The following PAM variants were observed in gnomAD, a reference collection of about 807,000 sequenced individuals.
PAM encodes the protein peptidyl-glycine alpha-amidating monooxygenase.
A neutral mutation model predicts 122.1 loss-of-function variants in PAM; 72 were observed. That is an observed-to-expected ratio of 0.59 (90% CI 0.49 to 0.72). PAM has a LOEUF of 0.72. Among genes scored for constraint, PAM ranks in the 30% least tolerant of loss-of-function variants. The probability of loss-of-function intolerance (pLI) is 0.00; values close to 1 mark genes in which losing one functional copy is unlikely to be tolerated. For missense variants in PAM, 1,106 were observed against 1,183.7 expected (o/e 0.93, Z 0.96); for synonymous variants, 389 against 404.4 (o/e 0.96, Z 0.46).
chr5:102,757,937 G>C (rs1750957032), intron 1 of PAM, among the ~76,000 whole-genome samples: 1 of 150,952 alleles, frequency 6.6e-6, no homozygotes, highest in Non-Finnish European at 1.5e-5. Context: ...AGCTACTCAA[G>C]AGGCTGAGGA....
intron 4 of PAM, among the ~76,000 whole-genome samples, chr5:102,908,117 A>G (rs888588073): frequency 6.6e-6 from 1 of 152,088 alleles, no homozygotes; most frequent in African/African-American, 2.4e-5. Context: ...TCTAACATGT[A>G]AGTCTTTAAT....
rs917108546 is a variant in PAM at position 102,866,014 on chromosome 5, G to C, written c.-182G>C. ...GGCTTTTTGCCCGCCGCTCGTGACCGAGACGCCTCGCCGCGGCCAGCTCGC... is the reference window on the plus strand; with the variant it reads ...GGCTTTTTGCCCGCCGCTCGTGACCCAGACGCCTCGCCGCGGCCAGCTCGC... On this transcript the variant is annotated 5_prime_UTR_variant, in exon 2 of 26. Transcript: ENST00000438793. 2.0e-5 allele frequency: 9 copies of C among 457,438 alleles called. No individual in the cohort carries two copies. The highest frequency in any genetic ancestry group is 3.4e-5 in the Non-Finnish European group (9 of 264,292). The allele number at this position is 457,438 out of a possible 1,614,324, so 28.3% of individuals were successfully genotyped here.
chr5:102,811,032 C>T (rs943573072), intron 1 of PAM, among the ~76,000 whole-genome samples: 1 of 152,248 alleles, frequency 6.6e-6, no homozygotes, highest in Middle Eastern at 3.4e-3. Context: ...GCCCACCCTT[C>T]TACAGGCCAG....
At chr5:102,838,259 A>G (rs998472919) in intron 1 of PAM, 1 of 152,102 alleles carries the variant, frequency 6.6e-6, no homozygotes, top group African/African-American at 2.4e-5. Context: ...CATTTTTAAT[A>G]ATACCAATCT....
At chr5:102,780,126 T>C (rs1758320020) in intron 1 of PAM, among the ~76,000 whole-genome samples, 1 of 151,928 alleles carries the variant, frequency 6.6e-6, no homozygotes, top group African/African-American at 2.4e-5. Flanking sequence ...ATTATTTCTT[T>C]GTCCACTGTA....
At chr5:102,883,584 T>A (rs947839651) in intron 3 of PAM, among the ~76,000 whole-genome samples, 1 of 151,946 alleles carries the variant, frequency 6.6e-6, no homozygotes, top group Non-Finnish European at 1.5e-5. Flanking sequence ...CTTTGCTGAA[T>A]TCATTTACCA....
chr5:103,008,841 T>C (rs189960025), intron 20 of PAM, among the ~76,000 whole-genome samples: 99 of 152,206 alleles, frequency 6.5e-4, no homozygotes, highest in Admixed American at 2.2e-3. Context: ...TAAACAAAAA[T>C]AAATTAAATA....
intron 1 of PAM, chr5:102,837,622 A>G (rs1001533912): frequency 2.6e-5 from 4 of 152,212 alleles, no homozygotes; most frequent in African/African-American, 9.6e-5. Flanking sequence ...AATTAAGTAA[A>G]ATTTAAAAGG....
chr5:102,959,960 C>A lies in PAM; in HGVS notation c.991C>A (p.Gln331Lys). The A allele has an allele frequency of 6.2e-7, 1 of 1,611,368 alleles. No homozygotes were observed. The highest frequency in any genetic ancestry group is 8.5e-7 in the Non-Finnish European group (1 of 1,177,718). The change falls in exon 13 of 26, where the codon CAG (glutamine) becomes AAG (lysine). Residue 331 changes from glutamine to lysine, a missense_variant. This residue lies in a region of PAM where 670 missense variants were observed against 690.3 expected (regional missense o/e 0.97). Coordinates refer to ENST00000438793, the MANE Select transcript of PAM (RefSeq NM_001177306.2). ...TGCAGTTTCTTTCATGACCTGTACC[C>A]AGAATGTAGCTCCAGATATGTTCAG... ...KHAVSFMTCT[Q>K]NVAPDMFRTI...
At chr5:102,946,074 AAAT>A (rs1756943763) in intron 7 of PAM, among the ~76,000 whole-genome samples, 1 of 152,196 alleles carries the variant, frequency 6.6e-6, no homozygotes, top group South Asian at 2.1e-4. Flanking sequence ...GAGGTTATGG[AAAT>A]AATAATGCAT....
intron 18 of PAM, among the ~76,000 whole-genome samples, chr5:103,005,496 G>A (rs1045672719): frequency 2.6e-5 from 4 of 152,154 alleles, no homozygotes; most frequent in African/African-American, 9.7e-5. Flanking sequence ...GTTCTAGTGA[G>A]GGCCCTCTTC....
chr5:102,953,207 T>C (rs1759539752), intron 12 of PAM, among the ~76,000 whole-genome samples: 1 of 152,188 alleles, frequency 6.6e-6, no homozygotes, highest in Admixed American at 6.6e-5. Context: ...CATGGGTAAC[T>C]AATGAACAGC....
intron 1 of PAM, among the ~76,000 whole-genome samples, chr5:102,850,294 T>C (rs1781045157): frequency 6.6e-6 from 1 of 152,216 alleles, no homozygotes; most frequent in Non-Finnish European, 1.5e-5. Flanking sequence ...TGAGTAGAAG[T>C]AAGCATGGAT....
At chr5:102,876,522 A>T (rs147703850) in intron 3 of PAM, among the ~76,000 whole-genome samples, 8 of 152,226 alleles carry the variant, frequency 5.3e-5, no homozygotes, top group African/African-American at 1.9e-4. Flanking sequence ...TGTGTCTCTC[A>T]TCCCTCATTT....
intron 3 of PAM, chr5:102,873,323 G>T (rs1238320695): frequency 6.6e-6 from 1 of 152,172 alleles, no homozygotes; most frequent in Non-Finnish European, 1.5e-5. Flanking sequence ...AAACCTCACT[G>T]CAGAAGGGGA....
intron 4 of PAM, among the ~76,000 whole-genome samples, chr5:102,902,886 A>AGAT (rs1798402651): frequency 6.6e-6 from 1 of 151,462 alleles, no homozygotes; most frequent in African/African-American, 2.4e-5. Context: ...TTGTTTCTGG[A>AGAT]GATTGGTGGT....
chr5:102,836,326 T>C (rs965671222), intron 1 of PAM, among the ~76,000 whole-genome samples: 2 of 152,224 alleles, frequency 1.3e-5, no homozygotes, highest in Non-Finnish European at 2.9e-5. Flanking sequence ...GTTCTGGCTA[T>C]CAGTCTGACG....
At chr5:103,021,069 GA>G (rs1308236824) in intron 23 of PAM, among the ~76,000 whole-genome samples, 5 of 152,136 alleles carry the variant, frequency 3.3e-5, no homozygotes, top group African/African-American at 1.2e-4. Flanking sequence ...TTACAGAGCA[GA>G]AACAATGGGC....
At chr5:102,880,819 TAATA>T (rs1376313957) in intron 3 of PAM, among the ~76,000 whole-genome samples, 6 of 152,162 alleles carry the variant, frequency 3.9e-5, no homozygotes, top group African/African-American at 1.4e-4. Context: ...AAGCTAAAAA[TAATA>T]AATAGGTTTA....
Sources: gnomAD v4.1 joint callset for allele counts (sites outside exome capture counted in the v4.1 genomes callset) on GRCh38, gnomAD v4.1.1 for gene constraint, gnomAD v4.1.1 regional missense constraint, MANE v1.5 for transcripts, NCBI Gene and HGNC (gene_info 2026-07-23, HGNC 2026-07-21) for gene names.